The following TULP4 variants were observed in gnomAD, a reference collection of about 807,000 sequenced individuals.
TULP4 encodes tubby-related protein 4.
TULP4 carries 16 observed loss-of-function variants against 129.0 expected under a neutral mutation model. The ratio of observed to expected loss-of-function variants is 0.12; its 90% CI spans 0.08 to 0.19. The LOEUF is 0.19. TULP4 is among the 10% of genes least tolerant of loss of function. TULP4 has a pLI of 1.00. For synonymous variants in TULP4, 998 were observed against 854.0 expected, an observed-to-expected ratio of 1.17 and a Z score of -2.94; for missense variants, 1,842 against 2,059.1, an observed-to-expected ratio of 0.89 and a Z score of 2.04.
rs576327727 is a variant in TULP4 at position 158,321,280 on chromosome 6, G to A, written c.252+7012G>A. Among the ~76,000 whole-genome samples the A allele has an allele frequency of 1.9e-3, 294 of 152,148 alleles. 2 individuals carry two copies. Among genetic ancestry groups the A allele is most frequent in the African/African-American group, 6.7e-3 (278 of 41,492 alleles). On this transcript the variant is annotated intron_variant, in intron 1 of 13. Coordinates refer to ENST00000367097, the MANE Select transcript of TULP4 (RefSeq NM_020245.5). The stretch of plus-strand genomic sequence containing the variant: ...GTTACTGTTCTGGCCTCTGCTTTCC[G>A]CCTTTCTTTGCTGGCTCTGCCTTTT...
At position 158,413,674 on chromosome 6, in the gene TULP4, G is replaced by C. The variant is rs543731557; in HGVS notation, c.381+481G>C. Reference sequence around the variant, plus strand: ...CACGGCCTCCTGTTGTCATCCTCCAGCTCTTCCTTTCTGACACAGTTTGTC... The same window carrying C: ...CACGGCCTCCTGTTGTCATCCTCCACCTCTTCCTTTCTGACACAGTTTGTC... On this transcript the variant is annotated intron_variant, in intron 2 of 13. Coordinates refer to ENST00000367097, the MANE Select transcript of TULP4 (RefSeq NM_020245.5). The surrounding 1 kb of genome is among the most constrained non-coding windows in gnomAD (Gnocchi z 4.9). Among the ~76,000 whole-genome samples, 21 of 152,294 alleles carry C rather than the reference G, an allele frequency of 1.4e-4. No individual in the cohort carries two copies. Among genetic ancestry groups the C allele is most frequent in the Admixed American group, 6.5e-4 (10 of 15,298 alleles).
intron 1 of TULP4, among the ~76,000 whole-genome samples, chr6:158,318,851 A>G (rs1008725355): frequency 6.6e-6 from 1 of 151,742 alleles, no homozygotes; most frequent in Non-Finnish European, 1.5e-5. Flanking sequence ...TCAGCCTGCC[A>G]AGTAGGTGGG....
intron 13 of TULP4, 78 bp downstream of exon 13, chr6:158,504,256 C>T: frequency 8.4e-7 from 1 of 1,191,100 alleles, no homozygotes; most frequent in South Asian, 1.6e-5. Context: ...GAGCATTTTT[C>T]AAAAGGCCAA....
At position 158,481,244 on chromosome 6, in the gene TULP4, C is replaced by A. The variant is rs753531085; in HGVS notation, c.1441C>A (p.Arg481=). 13 of 1,614,198 alleles carry A rather than the reference C, an allele frequency of 8.1e-6. No individual in the cohort carries two copies. Among genetic ancestry groups the A allele is most frequent in the Middle Eastern group, 1.6e-4 (1 of 6,062 alleles). The change falls in exon 8 of 14, where the codon CGG becomes AGG. Residue 481 remains arginine (R), a synonymous_variant. Coordinates refer to ENST00000367097, the MANE Select transcript of TULP4 (RefSeq NM_020245.5). ...CAAAGGGCGGCGCATCAGCAAGCTGCGGCCAGAGTTCGTCATCATGGACCC... is the reference window on the plus strand; with the variant it reads ...CAAAGGGCGGCGCATCAGCAAGCTGAGGCCAGAGTTCGTCATCATGGACCC... The part of the protein sequence containing the change: ...ILKGRRISKL[R]PEFVIMDPRT...
At chr6:158,264,717 G>A (rs548865688) in intron 1 of TULP4, among the ~76,000 whole-genome samples, 115 of 152,316 alleles carry the variant, frequency 7.6e-4, no homozygotes, top group African/African-American at 2.6e-3. Context: ...CCCTGCTGTT[G>A]AATGAACATT....
intron 1 of TULP4, among the ~76,000 whole-genome samples, chr6:158,334,917 A>C (rs1562524659): frequency 6.6e-6 from 1 of 152,280 alleles, no homozygotes; most frequent in East Asian, 1.9e-4. Context: ...ACAGGCCTTC[A>C]CCAGACACCA....
At chr6:158,308,026 T>C (rs1236579126), upstream of TULP4, among the ~76,000 whole-genome samples, 3 of 151,160 alleles carry the variant, frequency 2.0e-5, no homozygotes, top group East Asian at 5.8e-4. Context: ...TTTTTATTGA[T>C]CATTCTTGGG....
intron 1 of TULP4, among the ~76,000 whole-genome samples, chr6:158,375,559 A>G (rs1336933757): frequency 6.6e-6 from 1 of 152,206 alleles, no homozygotes; most frequent in Non-Finnish European, 1.5e-5. Context: ...GAAGTTAATC[A>G]GGGAAAAGTG....
At chr6:158,459,395 A>G (rs1779369031) in intron 5 of TULP4, among the ~76,000 whole-genome samples, 1 of 151,038 alleles carries the variant, frequency 6.6e-6, no homozygotes, top group Non-Finnish European at 1.5e-5. Context: ...GCGCCATTGT[A>G]CTCCAGCCTG....
chr6:158,320,411 A>T (rs990047112), intron 1 of TULP4, among the ~76,000 whole-genome samples: 1 of 151,264 alleles, frequency 6.6e-6, no homozygotes, highest in East Asian at 1.9e-4. Flanking sequence ...GGTTATTTGT[A>T]CTGATTGTCA....
rs576742159 is a variant in TULP4 at position 158,250,389 on chromosome 6, C to A, written n.68+18086C>A. 3.3e-5 allele frequency among the ~76,000 whole-genome samples: 5 copies of A among 152,210 alleles called. No homozygotes were observed. In the South Asian group the frequency reaches 1.0e-3, roughly 32 times the overall value. On this transcript the variant is annotated intron_variant and non_coding_transcript_variant, in intron 1 of 1. Transcript: ENST00000620026. ...GCCAGGATGATCTCGATCTCTTGAC[C>A]TCGTGATCTGCCTGCCTTGGCCTCC...
At chr6:158,429,469 A>G (rs1254603782) in intron 2 of TULP4, among the ~76,000 whole-genome samples, 1 of 152,152 alleles carries the variant, frequency 6.6e-6, no homozygotes, top group Admixed American at 6.5e-5. Context: ...TTGTAGAGGT[A>G]GTATCTCGTT....
chr6:158,371,865 A>G (rs1295581449), intron 1 of TULP4, among the ~76,000 whole-genome samples: 4 of 152,186 alleles, frequency 2.6e-5, no homozygotes, highest in Non-Finnish European at 5.9e-5. Flanking sequence ...GCCAGACTGG[A>G]GTGCAGTGGC....
At chr6:158,334,957 C>T (rs557533334) in intron 1 of TULP4, among the ~76,000 whole-genome samples, 1 of 152,152 alleles carries the variant, frequency 6.6e-6, no homozygotes, top group South Asian at 2.1e-4. Flanking sequence ...CTTGGACTTC[C>T]TAACCTCCAC....
chr6:158,234,104 A>G (rs960165687), intron 1 of TULP4, among the ~76,000 whole-genome samples: 1 of 152,206 alleles, frequency 6.6e-6, no homozygotes, highest in Non-Finnish European at 1.5e-5. Context: ...TGCATTTACT[A>G]TTGTTTATTT....
chr6:158,274,132 C>G (rs1188341668), intron 1 of TULP4, among the ~76,000 whole-genome samples: 1 of 152,058 alleles, frequency 6.6e-6, no homozygotes, highest in Non-Finnish European at 1.5e-5. Flanking sequence ...GTGGCGGGCA[C>G]CTGCAGTCCC....
chr6:158,394,786 CAAAAAAAA>C (rs71030166), intron 1 of TULP4, among the ~76,000 whole-genome samples: 12,664 of 45,282 alleles, frequency 0.28, 705 homozygotes, highest in Middle Eastern at 0.39. Context: ...GGCTCTGTCT[CAAAAAAAA>C]AAAAAAAAAA....
At chr6:158,498,881 C>T (rs1780386701) in intron 12 of TULP4, 69 bp downstream of exon 12, 6 of 1,570,828 alleles carry the variant, frequency 3.8e-6, no homozygotes, top group Non-Finnish European at 4.3e-6. Flanking sequence ...GGGGACAGAG[C>T]GGCAAGTTGT....
chr6:158,511,215 A>G lies in TULP4; in HGVS notation c.*4521A>G, dbSNP rs1167214190. ...GTTCTAAGATCTTGTTGTTTATTGT[A>G]GATAAAAATTTTTTCGTGTTGTAGA... is the stretch of plus-strand genomic sequence containing the variant. On this transcript the variant is annotated 3_prime_UTR_variant, in exon 14 of 14. Coordinates refer to ENST00000367097, the MANE Select transcript of TULP4 (RefSeq NM_020245.5). 1.3e-5 allele frequency: 2 copies of G among 152,542 alleles called. No individual in the cohort carries two copies. Among genetic ancestry groups the G allele is most frequent in the African/African-American group, 2.4e-5 (1 of 41,406 alleles). 9.4% of individuals were successfully genotyped at this position (152,542 alleles called of 1,614,324 possible).
Sources: gnomAD v4.1 joint callset for allele counts (sites outside exome capture counted in the v4.1 genomes callset) on GRCh38, gnomAD v4.1.1 for gene constraint, Gnocchi (gnomAD v3.1) non-coding constraint, MANE v1.5 for transcripts, NCBI Gene and HGNC (gene_info 2026-07-23, HGNC 2026-07-21) for gene names.